Variants in MASTL observed in about 807,000 individuals in gnomAD.
MASTL encodes microtubule associated serine/threonine kinase like.
In MASTL, 54 loss-of-function variants were observed where a neutral mutation model predicts 82.5. The observed-to-expected ratio is 0.65, with a 90% CI of 0.53 to 0.82. MASTL has a LOEUF of 0.82. Ranked by LOEUF, MASTL falls within the 40% of genes least tolerant of loss-of-function variation. MASTL has a pLI of 0.00. For synonymous variants in MASTL, 323 were observed against 368.9 expected (o/e 0.88, Z 1.43); for missense variants, 950 against 1,047.8 (o/e 0.91, Z 1.29).
intron 9 of MASTL, among the ~76,000 whole-genome samples, chr10:27,175,268 C>T (rs1365630554): frequency 2.6e-5 from 4 of 151,960 alleles, no homozygotes; most frequent in East Asian, 1.9e-4. Flanking sequence ...CTGCAACCTC[C>T]GTCTCCCGGG....
In MASTL at chr10:27,155,550, A is replaced by T; in HGVS notation, c.124A>T (p.Ser42Cys). 1 of 1,614,192 alleles carries T rather than the reference A, an allele frequency of 6.2e-7. No homozygotes were observed. ...IEEFSIVKPI[S>C]RGAFGKVYLG... ...GGAATTCAGCATAGTGAAGCCCATT[A>T]GCCGGGGCGCCTTCGGGAAAGTGTA... The change falls in exon 1 of 12, where the codon AGC becomes TGC. Residue 42 changes from serine to cysteine, a missense_variant. Coordinates refer to ENST00000375940, the MANE Select transcript of MASTL (RefSeq NM_001172303.3).
At chr10:27,161,041 C>A in intron 3 of MASTL, 53 bp from the exon 4 acceptor site, 1 of 1,139,982 alleles carries the variant, frequency 8.8e-7, no homozygotes, top group Non-Finnish European at 1.3e-6. Flanking sequence ...GAAATTCTAA[C>A]ATTAAAACTA....
chr10:27,166,129 C>T (rs1294761367), intron 6 of MASTL, among the ~76,000 whole-genome samples: 1 of 152,084 alleles, frequency 6.6e-6, no homozygotes, highest in Non-Finnish European at 1.5e-5. Flanking sequence ...ATCGCTTGAA[C>T]ACAGGAGGCG....
In MASTL at chr10:27,181,540, T is replaced by A. The variant is rs368263532; in HGVS notation, c.2441T>A (p.Ile814Lys). 3.5e-5 allele frequency: 56 copies of A among 1,613,190 alleles called. No individual in the cohort carries two copies. In the African/African-American group the frequency reaches 6.5e-4, roughly 19 times the overall value. ...GATAATGCTCAAAGTGCAGTAGAAA[T>A]ACTTTTAACCATTGATGATACAAAG... ...LSDNAQSAVE[I>K]LLTIDDTKRA... Residue 814 changes from isoleucine to lysine, a missense_variant, in exon 11 of 12, where the codon ATA (isoleucine) becomes AAA (lysine). By Grantham distance (102) the Ile-to-Lys change is moderately radical. Transcript: ENST00000375940.
chr10:27,181,677 A>C, intron 11 of MASTL, 96 bp downstream of exon 11: 80 of 872,468 alleles, frequency 9.2e-5, no homozygotes, highest in Non-Finnish European at 1.4e-4. Context: ...GTGGTGGCTC[A>C]CGCCTGTAAT....
chr10:27,170,000 A>T lies in MASTL; in HGVS notation c.1041A>T (p.Leu347Phe). The change falls in exon 8 of 12, where the codon TTA (leucine) becomes TTT (phenylalanine). Residue 347 changes from leucine to phenylalanine, a missense_variant. By Grantham distance (22) the Leu-to-Phe change is conservative. Transcript: ENST00000375940. ...TMMSWNAVEK[L>F]CAKSANAIET... ...TGAGTTGGAATGCAGTTGAAAAGTT[A>T]TGCGCAAAATCTGCAAATGCCATTG... The T allele has an allele frequency of 1.2e-6, 2 of 1,614,186 alleles. No individual in the cohort carries two copies. The highest frequency in any genetic ancestry group is 8.5e-7 in the Non-Finnish European group (1 of 1,180,024).
chr10:27,179,358 TC>T (rs1195086481), intron 9 of MASTL, among the ~76,000 whole-genome samples: 1 of 152,046 alleles, frequency 6.6e-6, no homozygotes, highest in East Asian at 1.9e-4. Flanking sequence ...ATCGAGACCA[TC>T]CTGGCTAACA....
At chr10:27,181,978 G>C (rs1254942268) in intron 11 of MASTL, among the ~76,000 whole-genome samples, 5 of 151,558 alleles carry the variant, frequency 3.3e-5, no homozygotes, top group Non-Finnish European at 7.4e-5. Flanking sequence ...GGGAGGCTGA[G>C]GCAGGAGAAT....
At chr10:27,155,697 G>A (rs2135935099) in intron 1 of MASTL, 85 bp downstream of exon 1, 1 of 1,503,856 alleles carries the variant, frequency 6.6e-7, no homozygotes, top group Non-Finnish European at 9.2e-7. Context: ...CCCCGGGGTT[G>A]CTGGAGCGAG....
chr10:27,155,712 C>T (rs2057341296), intron 1 of MASTL, 100 bp downstream of exon 1: 1 of 1,353,778 alleles, frequency 7.4e-7, no homozygotes, highest in Non-Finnish European at 1.0e-6. Flanking sequence ...AGCGAGGAGT[C>T]TGGGTGGCCT....
At chr10:27,185,202 C>A (rs534076540) in intron 11 of MASTL, among the ~76,000 whole-genome samples, 5 of 152,048 alleles carry the variant, frequency 3.3e-5, no homozygotes, top group African/African-American at 1.2e-4. Context: ...TGCTAAGGAG[C>A]GTGGTGATAG....
chr10:27,173,300 C>G lies in MASTL; in HGVS notation c.2266+41C>G, dbSNP rs563532996. ...CTTGAGTTTTTGAAGTGTTATCTAT[C>G]ACTACATTATCTTTCAAGGTTAAAT... On this transcript the variant is annotated intron_variant, in intron 9 of 11. Coordinates refer to ENST00000375940, the MANE Select transcript of MASTL (RefSeq NM_001172303.3). The G allele has an allele frequency of 1.1e-5, 18 of 1,611,866 alleles. No individual in the cohort carries two copies. The South Asian group carries it at 1.6e-4, about 15-fold the overall frequency.
chr10:27,185,691 G>C, intron 11 of MASTL, among the ~76,000 whole-genome samples: 1 of 151,574 alleles, frequency 6.6e-6, no homozygotes, highest in Non-Finnish European at 1.5e-5. Context: ...GGGAGGCTGA[G>C]GCACGAGAAC....
At chr10:27,166,348 A>T (rs534710273) in intron 6 of MASTL, among the ~76,000 whole-genome samples, 88 of 152,324 alleles carry the variant, frequency 5.8e-4, no homozygotes, top group African/African-American at 2.1e-3. Flanking sequence ...CAAGTGTTAA[A>T]TTAAATACAA....
intron 8 of MASTL, among the ~76,000 whole-genome samples, chr10:27,171,825 CTTTTTTTTTTTTTT>C (rs112511530): frequency 1.1e-5 from 1 of 93,560 alleles, no homozygotes; most frequent in Non-Finnish European, 1.9e-5. Context: ...AAATATGTTT[CTTTTTTTTTTTTTT>C]TTTTTTTTGA....
Position 27,186,364 on chromosome 10 carries a change from T to C in MASTL, c.2483-15T>C. On this transcript the variant is annotated splice_polypyrimidine_tract_variant and intron_variant, in intron 11 of 11. Transcript: ENST00000375940. ...GTAATGATATCATACTGTTTTGTTT[T>C]ATATTTTTCCTAAGAGCTAAAACGT... 6 of 1,613,090 alleles carry C rather than the reference T, an allele frequency of 3.7e-6. No individual in the cohort carries two copies. The highest frequency in any genetic ancestry group is 5.1e-6 in the Non-Finnish European group (6 of 1,179,010).
chr10:27,180,551 C>T (rs573618592), intron 9 of MASTL, among the ~76,000 whole-genome samples: 5 of 152,332 alleles, frequency 3.3e-5, no homozygotes, highest in African/African-American at 1.2e-4. Context: ...GCCACCACGC[C>T]TGGCCAATTT....
At chr10:27,179,779 A>C (rs1371108684) in intron 9 of MASTL, among the ~76,000 whole-genome samples, 1 of 152,190 alleles carries the variant, frequency 6.6e-6, no homozygotes, top group Non-Finnish European at 1.5e-5. Context: ...TTCCCTAGTT[A>C]CCAGGCTTTC....
At chr10:27,160,153 T>C (rs959533374) in intron 3 of MASTL, among the ~76,000 whole-genome samples, 13 of 135,216 alleles carry the variant, frequency 9.6e-5, no homozygotes, top group East Asian at 2.2e-4. Context: ...GTGCCATTAC[T>C]CTTGGCTTTT....
Sources: allele counts gnomAD v4.1 joint callset (sites outside exome capture counted in the v4.1 genomes callset), GRCh38; gene constraint gnomAD v4.1.1; transcripts MANE v1.5; gene names NCBI Gene and HGNC (gene_info 2026-07-23, HGNC 2026-07-21).